Variants in MAP3K7 observed in about 807,000 individuals in gnomAD.
The protein encoded by MAP3K7 is mitogen-activated protein kinase kinase kinase 7.
Under a neutral mutation model 84.8 loss-of-function variants are expected in MAP3K7, and 21 were observed. The ratio of observed to expected loss-of-function variants is 0.25; its 90% CI spans 0.18 to 0.36. MAP3K7 has a LOEUF of 0.36. Among genes scored for constraint, MAP3K7 ranks in the 10% least tolerant of loss-of-function variants. The pLI, the probability that MAP3K7 is intolerant of heterozygous loss-of-function variation, is 1.00. For synonymous variants in MAP3K7, 241 were observed against 247.7 expected (o/e 0.97, Z 0.25); for missense variants, 503 against 747.7 (o/e 0.67, Z 3.82).
At chr6:90,523,309 C>T (rs1230395242) in intron 14 of MAP3K7, among the ~76,000 whole-genome samples, 2 of 151,476 alleles carry the variant, frequency 1.3e-5, no homozygotes, top group Non-Finnish European at 2.9e-5. Flanking sequence ...TGATTTTTAC[C>T]ATTCTCCGAT....
At chr6:90,518,349 A>C (rs1775038785) in intron 16 of MAP3K7, 98 bp downstream of exon 16, 3 of 676,214 alleles carry the variant, frequency 4.4e-6, no homozygotes, top group Admixed American at 2.8e-5. Context: ...AGTATACTTA[A>C]TGACTAATTC....
intron 3 of MAP3K7, among the ~76,000 whole-genome samples, chr6:90,563,592 C>G (rs1776596718): frequency 2.0e-5 from 3 of 152,168 alleles, no homozygotes; most frequent in African/African-American, 7.2e-5. Context: ...ATCTACATCT[C>G]ATTAGTGTAC....
In MAP3K7 at chr6:90,547,331, C is replaced by T. The variant is rs751184932; in HGVS notation, c.1137G>A (p.Leu379=). 62 of 1,612,458 alleles carry T rather than the reference C, an allele frequency of 3.8e-5. No individual in the cohort carries two copies. The highest frequency in any genetic ancestry group is 5.0e-5 in the Non-Finnish European group (59 of 1,179,372). The change falls in exon 11 of 17, where the codon TTG becomes TTA. Residue 379 remains leucine (L), a synonymous_variant. Transcript: ENST00000369329. ...TCCTCTTGCCCTCAGAGGTTGGGGGCAAGCTCTCCACACTGCTCCCACGGG... is the reference window on the plus strand; with the variant it reads ...TCCTCTTGCCCTCAGAGGTTGGGGGTAAGCTCTCCACACTGCTCCCACGGG... ...GASRGSSVES[L]PPTSEGKRMS... is the part of the protein sequence containing the mutation.
At position 90,519,401 on chromosome 6, in the gene MAP3K7, T is replaced by A; in HGVS notation, c.1463-82A>T. ...AGCAAGAAAGCATGAATGAAATGCT[T>A]TTTTTCCCTAAAGTAAATAATATGT... is the stretch of plus-strand genomic sequence containing the variant. On this transcript the variant is annotated intron_variant, in intron 14 of 16. Transcript: ENST00000369329. 7.0e-6 allele frequency: 6 copies of A among 861,752 alleles called. No homozygotes were observed. The South Asian group carries it at 9.3e-5, about 13-fold the overall frequency. 53.4% of individuals were successfully genotyped at this position (861,752 alleles called of 1,614,324 possible). A position where few individuals can be genotyped will look rare whatever the true frequency, so the allele number is the denominator to read the frequency against.
At chr6:90,517,380 TA>T (rs1472063161) in intron 16 of MAP3K7, among the ~76,000 whole-genome samples, 1 of 150,950 alleles carries the variant, frequency 6.6e-6, no homozygotes, top group Non-Finnish European at 1.5e-5. Context: ...GAATAATTAA[TA>T]AAAAGTCCTC....
intron 6 of MAP3K7, 130 bp downstream of exon 6, chr6:90,556,370 T>G (rs1243529885): frequency 1.8e-5 from 17 of 923,548 alleles, no homozygotes; most frequent in Non-Finnish European, 2.7e-5. Context: ...TAATATCCCC[T>G]TAGATTTCAT....
intron 3 of MAP3K7, among the ~76,000 whole-genome samples, chr6:90,562,187 A>G (rs973414467): frequency 1.3e-5 from 2 of 152,214 alleles, no homozygotes; most frequent in Non-Finnish European, 2.9e-5. Flanking sequence ...TGATTTCTGC[A>G]TTTCCAACTG....
rs1161884644 is a variant in MAP3K7 at position 90,515,496 on chromosome 6, T to C, written c.*1005A>G. The C allele has an allele frequency of 6.6e-6, 1 of 151,986 alleles. No individual in the cohort carries two copies. Among genetic ancestry groups the C allele is most frequent in the African/African-American group, 2.4e-5 (1 of 41,426 alleles). 9.4% of individuals were successfully genotyped at this position (151,986 alleles called of 1,614,324 possible). A position where few individuals can be genotyped will look rare whatever the true frequency, so the allele number is the denominator to read the frequency against. On this transcript the variant is annotated 3_prime_UTR_variant, in exon 17 of 17. Coordinates refer to ENST00000369329, the MANE Select transcript of MAP3K7 (RefSeq NM_145331.3). Reference sequence around the variant, plus strand: ...ATAATTAGGACACTTGTTGAATTTATATTTGCTTCTTTAACTTCCTTCTGA... The same window carrying C: ...ATAATTAGGACACTTGTTGAATTTACATTTGCTTCTTTAACTTCCTTCTGA...
chr6:90,585,509 G>A (rs1777415932), intron 1 of MAP3K7, among the ~76,000 whole-genome samples: 1 of 152,118 alleles, frequency 6.6e-6, no homozygotes, highest in Admixed American at 6.5e-5. Context: ...ATAACGCAAA[G>A]TGCTTAATAA....
intron 4 of MAP3K7, 64 bp from the exon 5 acceptor site, chr6:90,560,278 T>C (rs539893183): frequency 3.9e-6 from 6 of 1,549,672 alleles, no homozygotes; most frequent in East Asian, 4.5e-5. Flanking sequence ...ACAATGTGAA[T>C]GCAAGCACTA....
intron 5 of MAP3K7, 39 bp from the exon 6 acceptor site, chr6:90,556,663 G>T: frequency 1.3e-6 from 2 of 1,554,192 alleles, no homozygotes; most frequent in African/African-American, 1.4e-5. Flanking sequence ...AAGTTACAAG[G>T]CCAACATTTT....
chr6:90,519,209 C>T (rs1775067470), intron 15 of MAP3K7, 49 bp downstream of exon 15: 4 of 1,255,438 alleles, frequency 3.2e-6, no homozygotes, highest in Non-Finnish European at 4.6e-6. Flanking sequence ...TCAACTTAAA[C>T]TCTCTAAGAA....
chr6:90,562,720 G>C (rs1776566737), intron 3 of MAP3K7, among the ~76,000 whole-genome samples: 1 of 152,208 alleles, frequency 6.6e-6, no homozygotes, highest in African/African-American at 2.4e-5. Context: ...GCTTTGAAGA[G>C]AGCAGTGATT....
intron 9 of MAP3K7, among the ~76,000 whole-genome samples, chr6:90,549,842 A>G (rs1328059357): frequency 6.6e-6 from 1 of 152,234 alleles, no homozygotes; most frequent in Non-Finnish European, 1.5e-5. Flanking sequence ...ATAGATCAGT[A>G]AAAGTATTTT....
At chr6:90,519,411 A>G (rs969704897) in intron 14 of MAP3K7, 92 bp from the exon 15 acceptor site, 5 of 757,272 alleles carry the variant, frequency 6.6e-6, no homozygotes, top group Non-Finnish European at 1.1e-5. Context: ...TTTTTTCCCT[A>G]AAGTAAATAA....
chr6:90,562,106 G>A (rs1776535389), intron 3 of MAP3K7, among the ~76,000 whole-genome samples: 2 of 152,192 alleles, frequency 1.3e-5, no homozygotes, highest in African/African-American at 2.4e-5. Flanking sequence ...AGCTACATAG[G>A]AGGTTCCAAG....
At chr6:90,542,788 C>T (rs1334127913) in intron 12 of MAP3K7, among the ~76,000 whole-genome samples, 2 of 151,880 alleles carry the variant, frequency 1.3e-5, no homozygotes, top group African/African-American at 4.8e-5. Flanking sequence ...AACATCTAAT[C>T]AGGGGTTTTC....
Position 90,550,451 on chromosome 6 carries a change from C to A in MAP3K7, c.949+17G>T. ...AAAGAAAAATCAAGTCAATACTCTT[C>A]CAATCTATCCATTTACCTGTACTGG... On this transcript the variant is annotated intron_variant, in intron 9 of 16. Transcript: ENST00000369329. 1 of 1,545,044 alleles carries A rather than the reference C, an allele frequency of 6.5e-7. No homozygotes were observed. Among genetic ancestry groups the A allele is most frequent in the Non-Finnish European group, 8.9e-7 (1 of 1,123,396 alleles).
chr6:90,578,260 GTTTGT>G (rs906092805), intron 1 of MAP3K7, among the ~76,000 whole-genome samples: 14 of 152,068 alleles, frequency 9.2e-5, no homozygotes, highest in Admixed American at 5.2e-4. Flanking sequence ...GAGGACAGGA[GTTTGT>G]TTTGTTTTGT....
Sources: gnomAD v4.1 joint callset for allele counts (sites outside exome capture counted in the v4.1 genomes callset) on GRCh38, gnomAD v4.1.1 for gene constraint, MANE v1.5 for transcripts, NCBI Gene and HGNC (gene_info 2026-07-23, HGNC 2026-07-21) for gene names.